The following NRXN3 variants were observed in gnomAD, a reference collection of about 807,000 sequenced individuals.
The protein encoded by NRXN3 is neurexin III.
Under a neutral mutation model 137.6 loss-of-function variants are expected in NRXN3, and 32 were observed. The observed-to-expected ratio is 0.23, with a 90% CI of 0.18 to 0.31. NRXN3 has a LOEUF of 0.31. NRXN3 is among the 10% of genes least tolerant of loss of function. NRXN3 has a pLI of 1.00. For synonymous variants in NRXN3, 798 were observed against 784.5 expected (o/e 1.02, Z -0.29); for missense variants, 1,574 against 2,062.5 (o/e 0.76, Z 4.59).
chr14:78,172,788 T>A (rs1044923877), intron 1 of NRXN3, among the ~76,000 whole-genome samples: 15 of 152,122 alleles, frequency 9.9e-5, no homozygotes, highest in Non-Finnish European at 1.6e-4. Context: ...AATAATAATT[T>A]AAAAAAAATT....
intron 15 of NRXN3, among the ~76,000 whole-genome samples, chr14:79,008,108 G>A (rs148504732): frequency 8.5e-5 from 13 of 152,160 alleles, no homozygotes; most frequent in African/African-American, 3.1e-4. Context: ...GGGGTTATTC[G>A]GTATTTTGGG....
At chr14:78,637,994 C>A (rs17107986) in intron 4 of NRXN3, among the ~76,000 whole-genome samples, 2,914 of 152,282 alleles carry the variant, frequency 0.019, 103 homozygotes, top group East Asian at 0.18. Context: ...CTTTAGGATA[C>A]CATTAGCTTT....
intron 16 of NRXN3, among the ~76,000 whole-genome samples, chr14:79,649,836 G>T (rs1385364026): frequency 2.0e-5 from 3 of 151,992 alleles, no homozygotes; most frequent in Non-Finnish European, 4.4e-5. Flanking sequence ...GTCAGCCTTG[G>T]CTGCTATAAC....
At chr14:79,627,426 G>A (rs1025436334) in intron 16 of NRXN3, among the ~76,000 whole-genome samples, 1 of 152,224 alleles carries the variant, frequency 6.6e-6, no homozygotes, top group Non-Finnish European at 1.5e-5. Context: ...CAGCCACTGA[G>A]TTCTATCTTG....
At chr14:78,724,475 CA>C (rs1374756965) in intron 8 of NRXN3, among the ~76,000 whole-genome samples, 1 of 152,140 alleles carries the variant, frequency 6.6e-6, no homozygotes, top group Non-Finnish European at 1.5e-5. Flanking sequence ...TACTATCTAG[CA>C]AAACCACCCA....
chr14:78,557,322 G>T (rs113827675), intron 4 of NRXN3, among the ~76,000 whole-genome samples: 1 of 150,686 alleles, frequency 6.6e-6, no homozygotes, highest in African/African-American at 2.4e-5. Context: ...TCAAAGTACT[G>T]GGATCACAGG....
At chr14:79,283,732 C>A (rs1216589840) in intron 15 of NRXN3, among the ~76,000 whole-genome samples, 1 of 151,780 alleles carries the variant, frequency 6.6e-6, no homozygotes, top group Non-Finnish European at 1.5e-5. Context: ...AGAGTCCTCA[C>A]CCCACTTTCA....
intron 15 of NRXN3, among the ~76,000 whole-genome samples, chr14:79,343,589 C>A (rs1382963452): frequency 6.6e-6 from 1 of 152,128 alleles, no homozygotes; most frequent in Non-Finnish European, 1.5e-5. Context: ...CAGAAGATGA[C>A]CTACCAAGGC....
intron 15 of NRXN3, among the ~76,000 whole-genome samples, chr14:79,382,161 C>T (rs1302130977): frequency 9.2e-5 from 14 of 152,138 alleles, no homozygotes; most frequent in South Asian, 2.1e-4. Context: ...AGGTAAAGCA[C>T]GTAGGACATC....
Position 79,271,447 on chromosome 14 carries a change from T to C in NRXN3, c.3263-195774T>C, listed in dbSNP as rs116805737. ...CCCTTTCTTTCCTTTCCCCTTTTTT[T>C]CCCTTCCCTTCCCTCCCCTCCCACC... On this transcript the variant is annotated intron_variant, in intron 15 of 20. Coordinates refer to ENST00000335750, the MANE Select transcript of NRXN3 (RefSeq NM_001330195.2). Among the ~76,000 whole-genome samples, 1,371 of 141,822 alleles carry C rather than the reference T, an allele frequency of 9.7e-3. 34 individuals are homozygous for C. Among genetic ancestry groups the C allele is most frequent in the African/African-American group, 0.035 (1,322 of 37,478 alleles). 93.0% of individuals were successfully genotyped at this position (141,822 alleles called of 152,430 possible). A position where few individuals can be genotyped will look rare whatever the true frequency, so the allele number is the denominator to read the frequency against.
At chr14:78,663,878 T>C (rs747936687) in intron 6 of NRXN3, among the ~76,000 whole-genome samples, 24 of 152,216 alleles carry the variant, frequency 1.6e-4, no homozygotes, top group Non-Finnish European at 2.9e-4. Context: ...TGTACACATA[T>C]ACCTACAGGG....
At chr14:79,416,399 A>G (rs534296372) in intron 15 of NRXN3, among the ~76,000 whole-genome samples, 5 of 152,228 alleles carry the variant, frequency 3.3e-5, no homozygotes, top group African/African-American at 1.2e-4. Context: ...ACATTTTCTA[A>G]ATATGTACAA....
At chr14:78,552,947 A>G (rs944294665) in intron 4 of NRXN3, among the ~76,000 whole-genome samples, 33 of 152,192 alleles carry the variant, frequency 2.2e-4, no homozygotes, top group Non-Finnish European at 3.8e-4. Context: ...AATTATATCA[A>G]TGTATTAAAT....
At chr14:79,657,453 T>C (rs1289871276) in intron 16 of NRXN3, among the ~76,000 whole-genome samples, 2 of 152,208 alleles carry the variant, frequency 1.3e-5, no homozygotes, top group Non-Finnish European at 2.9e-5. Context: ...CTTGTCAGTT[T>C]GGGTGATTTC....
intron 2 of NRXN3, among the ~76,000 whole-genome samples, chr14:78,244,434 GAA>G (rs1248151604): frequency 9.0e-6 from 1 of 110,880 alleles, no homozygotes; most frequent in African/African-American, 3.4e-5. Context: ...TCTCAAAAAA[GAA>G]AAAAAAAAAA....
At chr14:78,719,454 G>A (rs915248030) in intron 8 of NRXN3, among the ~76,000 whole-genome samples, 1 of 152,126 alleles carries the variant, frequency 6.6e-6, no homozygotes, top group African/African-American at 2.4e-5. Context: ...GATTCTGCCT[G>A]GAAAGGGTGA....
intron 19 of NRXN3, among the ~76,000 whole-genome samples, chr14:79,730,700 C>G (rs1053759127): frequency 6.6e-6 from 1 of 152,144 alleles, no homozygotes; most frequent in South Asian, 2.1e-4. Flanking sequence ...ACAAACTGTG[C>G]TCCCGAACGA....
intron 20 of NRXN3, among the ~76,000 whole-genome samples, chr14:79,811,985 A>G (rs2099235647): frequency 6.6e-6 from 1 of 152,136 alleles, no homozygotes; most frequent in Non-Finnish European, 1.5e-5. Flanking sequence ...AAATGCTTTG[A>G]AAATTAGGGT....
At chr14:79,586,718 A>G (rs186156979) in intron 16 of NRXN3, among the ~76,000 whole-genome samples, 28 of 152,246 alleles carry the variant, frequency 1.8e-4, no homozygotes, top group African/African-American at 5.8e-4. Flanking sequence ...TGAACATTTA[A>G]GAGCCACTTT....
Sources: gnomAD v4.1 joint callset for allele counts (sites outside exome capture counted in the v4.1 genomes callset) on GRCh38, gnomAD v4.1.1 for gene constraint, MANE v1.5 for transcripts, NCBI Gene and HGNC (gene_info 2026-07-23, HGNC 2026-07-21) for gene names.